Variants in NDE1 observed in about 807,000 individuals in gnomAD.
The protein encoded by NDE1 is nuclear distribution protein nudE homolog 1.
A neutral mutation model predicts 43.4 loss-of-function variants in NDE1; 28 were observed. The ratio of observed to expected loss-of-function variants is 0.65; its 90% CI spans 0.48 to 0.89. NDE1 has a LOEUF of 0.89. NDE1 is among the 40% of genes least tolerant of loss of function. The pLI is 0.00. For missense variants in NDE1, 441 were observed against 434.1 expected (o/e 1.02, Z -0.14); for synonymous variants, 184 against 172.0 (o/e 1.07, Z -0.55).
chr16:15,674,667 C>T lies in NDE1; in HGVS notation c.238-3134C>T, dbSNP rs56296377. ...TTGTGTAAACCAAGTACATGCTGCT[C>T]TCCCATTGTTGTGGGCACAAACAAC... On this transcript the variant is annotated intron_variant, in intron 3 of 8. Coordinates refer to ENST00000396354, the MANE Select transcript of NDE1 (RefSeq NM_017668.3). 7.3e-3 allele frequency among the ~76,000 whole-genome samples: 1,110 copies of T among 152,286 alleles called. 11 individuals are homozygous for T. Among genetic ancestry groups the T allele is most frequent in the Middle Eastern group, 0.041 (12 of 294 alleles).
At chr16:15,680,210 G>A (rs1338299416) in intron 4 of NDE1, among the ~76,000 whole-genome samples, 1 of 152,042 alleles carries the variant, frequency 6.6e-6, no homozygotes, top group East Asian at 1.9e-4. Context: ...TTTTTTAGCC[G>A]TAACTGGGCT....
chr16:15,676,221 T>C (rs2037866773), intron 3 of NDE1, among the ~76,000 whole-genome samples: 1 of 122,668 alleles, frequency 8.2e-6, no homozygotes. Flanking sequence ...TCTTTGTTTT[T>C]CTGGTTTTTT....
intron 8 of NDE1, among the ~76,000 whole-genome samples, chr16:15,723,147 A>G (rs1376563033): frequency 6.6e-6 from 1 of 152,236 alleles, no homozygotes; most frequent in East Asian, 1.9e-4. Context: ...TTTGGGTCAT[A>G]CAGGGGTCTC....
chr16:15,650,080 T>A (rs910003256), upstream of NDE1: 1 of 152,696 alleles, frequency 6.5e-6, no homozygotes, highest in Non-Finnish European at 1.5e-5. Flanking sequence ...CTTCGCCGCT[T>A]GGCCGCGCCG....
chr16:15,644,918 C>CT (rs34053597), intron 1 of NDE1, among the ~76,000 whole-genome samples: 5,410 of 129,584 alleles, frequency 0.042, 343 homozygotes, highest in African/African-American at 0.14. Flanking sequence ...TTCCTTTTTA[C>CT]TTTTTTTTTT....
intron 8 of NDE1, among the ~76,000 whole-genome samples, chr16:15,707,596 CA>C (rs1438175973): frequency 3.3e-5 from 5 of 152,212 alleles, no homozygotes; most frequent in African/African-American, 1.2e-4. Context: ...GTAGTGACAG[CA>C]AAGCTGAGAT....
chr16:15,668,101 T>C (rs1049694332), intron 3 of NDE1, among the ~76,000 whole-genome samples: 1 of 151,952 alleles, frequency 6.6e-6, no homozygotes, highest in Non-Finnish European at 1.5e-5. Context: ...AGGTGGTGCA[T>C]ACCTGTAATC....
rs780803420 is a variant in NDE1 at position 15,691,295 on chromosome 16, T to G, written c.675T>G (p.Ser225Arg). ...TPIAHRGPSS[S>R]LNTPGSFRRG... ...TTGCTCACCGAGGACCCAGCTCAAG[T>G]TTAAACACACCTGGGAGCTTCAGAC... Residue 225 changes from serine to arginine, a missense_variant, in exon 6 of 9, where the codon AGT becomes AGG. Ser to Arg is a moderately radical substitution (Grantham distance 110). Coordinates refer to ENST00000396354, the MANE Select transcript of NDE1 (RefSeq NM_017668.3). 6.2e-7 allele frequency: 1 copy of G among 1,613,858 alleles called. No individual in the cohort carries two copies.
At chr16:15,648,681 G>A (rs535768347), upstream of NDE1, among the ~76,000 whole-genome samples, 1 of 152,142 alleles carries the variant, frequency 6.6e-6, no homozygotes, top group South Asian at 2.1e-4. Context: ...AATGGTGGGC[G>A]CCTGTAATCC....
chr16:15,706,768 C>T (rs530074826), intron 8 of NDE1, among the ~76,000 whole-genome samples: 27 of 152,226 alleles, frequency 1.8e-4, no homozygotes, highest in Non-Finnish European at 2.8e-4. Context: ...CATCAGTGCT[C>T]TAGGCACTCT....
intron 8 of NDE1, chr16:15,703,514 T>C (rs2039295141): frequency 3.4e-6 from 1 of 291,974 alleles, no homozygotes; most frequent in East Asian, 4.9e-5. Flanking sequence ...GATGTGTCTG[T>C]GTTTCCTGTT....
intron 8 of NDE1, among the ~76,000 whole-genome samples, chr16:15,716,229 G>C (rs1261683322): frequency 6.6e-6 from 1 of 152,056 alleles, no homozygotes; most frequent in Non-Finnish European, 1.5e-5. Flanking sequence ...TACCACATAT[G>C]GCCTGGGGTT....
At chr16:15,693,791 T>C (rs2038873100) in intron 6 of NDE1, among the ~76,000 whole-genome samples, 1 of 152,090 alleles carries the variant, frequency 6.6e-6, no homozygotes, top group Non-Finnish European at 1.5e-5. Flanking sequence ...AATACAAAAA[T>C]TAGCCGGGTG....
At chr16:15,659,562 G>A (rs1043583440) in intron 1 of NDE1, among the ~76,000 whole-genome samples, 1 of 143,794 alleles carries the variant, frequency 7.0e-6, no homozygotes, top group Non-Finnish European at 1.5e-5. Context: ...TCAGCCTCCC[G>A]AGTAGTGGGG....
In NDE1 at chr16:15,696,859, G is replaced by A. The variant is rs200214515; in HGVS notation, c.946G>A (p.Gly316Arg). ...CACCAGCGTGCCTTTGGGTGATAAG[G>A]GGTCAGTACCTTCTAATAAACCTCT... ...SSTSVPLGDK[G>R]LDTSCRWLSK... Residue 316 changes from glycine to arginine, a missense_variant and splice_region_variant, in exon 8 of 9, where the codon GGG becomes AGG. Transcript: ENST00000396354. The A allele has an allele frequency of 1.2e-6, 2 of 1,613,994 alleles. No individual in the cohort carries two copies. The highest frequency in any genetic ancestry group is 2.2e-5 in the South Asian group (2 of 91,084).
chr16:15,714,528 T>C (rs939392710), intron 8 of NDE1: 20 of 370,100 alleles, frequency 5.4e-5, no homozygotes, highest in Non-Finnish European at 1.0e-4. Flanking sequence ...GAGCAGAGCA[T>C]GTCAGGAAGG....
intron 6 of NDE1, among the ~76,000 whole-genome samples, chr16:15,693,540 C>T (rs1032891824): frequency 6.6e-6 from 1 of 152,128 alleles, no homozygotes; most frequent in Non-Finnish European, 1.5e-5. Flanking sequence ...TGGCTCATGC[C>T]TGTAAATACC....
chr16:15,725,751 C>T lies in NDE1; in HGVS notation c.*1500C>T, dbSNP rs1316980354. ...GTTAAACATTTGTGAAAACTTTGGC[C>T]ACGTCCCCATGAGTGGCAAGGCAGG... On this transcript the variant is annotated 3_prime_UTR_variant, in exon 9 of 9. Transcript: ENST00000396354. 2.5e-6 allele frequency: 1 copy of T among 398,606 alleles called. No homozygotes were observed. Among genetic ancestry groups the T allele is most frequent in the African/African-American group, 2.1e-5 (1 of 48,602 alleles). 24.7% of individuals were successfully genotyped at this position (398,606 alleles called of 1,614,324 possible).
chr16:15,664,886 C>A, intron 2 of NDE1, 25 bp downstream of exon 2: 2 of 1,511,836 alleles, frequency 1.3e-6, no homozygotes, highest in South Asian at 1.2e-5. Flanking sequence ...ACCTGCTTTT[C>A]CTTTTTTTTT....
Sources: allele counts gnomAD v4.1 joint callset (sites outside exome capture counted in the v4.1 genomes callset), GRCh38; gene constraint gnomAD v4.1.1; transcripts MANE v1.5; gene names NCBI Gene and HGNC (gene_info 2026-07-23, HGNC 2026-07-21).